The following SRGAP2B variants were observed in gnomAD, a reference collection of about 807,000 sequenced individuals.
The protein encoded by SRGAP2B is SLIT-ROBO Rho GTPase activating protein 2B.
In SRGAP2B, 9 loss-of-function variants were observed where a neutral mutation model predicts 22.2. The ratio of observed to expected loss-of-function variants is 0.41; its 90% CI spans 0.24 to 0.71. SRGAP2B has a LOEUF of 0.71. Among genes scored for constraint, SRGAP2B ranks in the 30% least tolerant of loss-of-function variants. The pLI, the probability that SRGAP2B is intolerant of heterozygous loss-of-function variation, is 0.35. For missense variants in SRGAP2B, 114 were observed against 235.8 expected (o/e 0.48, Z 3.38); for synonymous variants, 36 against 87.4 (o/e 0.41, Z 3.28).
chr1:144,993,222 T>G (rs2102144071), intron 3 of SRGAP2B, among the ~76,000 whole-genome samples: 1 of 151,184 alleles, frequency 6.6e-6, no homozygotes, highest in East Asian at 1.9e-4. Context: ...GTAGAGGGGC[T>G]TAAAGACCAA....
chr1:145,042,616 T>C (rs1256438841), intron 2 of SRGAP2B, among the ~76,000 whole-genome samples: 1 of 46,692 alleles, frequency 2.1e-5, no homozygotes, highest in Non-Finnish European at 3.9e-5. Flanking sequence ...CGGAATTCAT[T>C]ACTCCCCTTC....
In SRGAP2B at chr1:144,934,308, G is replaced by A. The variant is rs1665454297; in HGVS notation, c.424-19554C>T. ...AATCCCAGCTACTCGGGAGGCTGAGGCAAGAGAATCACTTGAACCTGGGAG... is the reference window on the plus strand; with the variant it reads ...AATCCCAGCTACTCGGGAGGCTGAGACAAGAGAATCACTTGAACCTGGGAG... On this transcript the variant is annotated intron_variant, in intron 4 of 9. Coordinates refer to ENST00000612199, the Ensembl canonical transcript of SRGAP2B. Among the ~76,000 whole-genome samples, 4 of 146,734 alleles carry A rather than the reference G, an allele frequency of 2.7e-5. No homozygotes were observed. In the South Asian group the frequency reaches 6.3e-4, roughly 23 times the overall value.
chr1:144,907,188 G>A (rs1316698409), intron 5 of SRGAP2B, among the ~76,000 whole-genome samples: 2 of 150,686 alleles, frequency 1.3e-5, no homozygotes, highest in Non-Finnish European at 3.0e-5. Context: ...ACACAGGAGT[G>A]CAAAGGTACA....
At chr1:144,929,551 A>C (rs1259195460) in intron 4 of SRGAP2B, among the ~76,000 whole-genome samples, 66 of 150,876 alleles carry the variant, frequency 4.4e-4, no homozygotes, top group Non-Finnish European at 1.3e-4. Flanking sequence ...TAAAGTTTGC[A>C]TCTGTTAACA....
chr1:144,984,253 G>A (rs1553615477), intron 3 of SRGAP2B, among the ~76,000 whole-genome samples: 1 of 149,728 alleles, frequency 6.7e-6, no homozygotes, highest in Non-Finnish European at 1.5e-5. Context: ...CTGGGAGGCA[G>A]AGGATGCAGT....
chr1:144,909,891 G>A (rs1425436590), intron 5 of SRGAP2B, among the ~76,000 whole-genome samples: 1 of 149,590 alleles, frequency 6.7e-6, no homozygotes, highest in Non-Finnish European at 1.5e-5. Flanking sequence ...TAAAGTTGGG[G>A]CTTCCACAAG....
rs1344967214 is a variant in SRGAP2B at position 145,008,960 on chromosome 1, A to G, written c.68-13760T>C. Reference sequence around the variant, plus strand: ...GCCAAGGCAGGCGGACCACGAGGTCAGGAGATCGAGACCATCCTGGCTAAC... The same window carrying G: ...GCCAAGGCAGGCGGACCACGAGGTCGGGAGATCGAGACCATCCTGGCTAAC... On this transcript the variant is annotated intron_variant, in intron 2 of 9. Transcript: ENST00000612199. Among the ~76,000 whole-genome samples, 3 of 149,998 alleles carry G rather than the reference A, an allele frequency of 2.0e-5. 1 individual carries two copies. Among genetic ancestry groups the G allele is most frequent in the Non-Finnish European group, 4.4e-5 (3 of 67,840 alleles).
intron 2 of SRGAP2B, among the ~76,000 whole-genome samples, chr1:145,047,175 CA>C (rs4058382): frequency 0.031 from 456 of 14,582 alleles, no homozygotes; most frequent in African/African-American, 0.095. Context: ...GACTCTGTCT[CA>C]AAAAAAAAAA....
intron 2 of SRGAP2B, among the ~76,000 whole-genome samples, chr1:145,021,735 A>ATCTCTTGAT (rs1672812286): frequency 6.7e-6 from 1 of 149,166 alleles, no homozygotes; most frequent in Non-Finnish European, 1.5e-5. Context: ...AATCTCTTGA[A>ATCTCTTGAT]CCCAGGAGGC....
intron 3 of SRGAP2B, among the ~76,000 whole-genome samples, chr1:144,975,670 T>G (rs1668844919): frequency 6.7e-6 from 1 of 148,156 alleles, no homozygotes; most frequent in Non-Finnish European, 1.5e-5. Flanking sequence ...CCAAATAAGC[T>G]TCTTTTCTTT....
At chr1:145,094,285 C>T (rs1321042099) in intron 1 of SRGAP2B, among the ~76,000 whole-genome samples, 1 of 24,110 alleles carries the variant, frequency 4.1e-5, no homozygotes, top group Non-Finnish European at 8.9e-5. Flanking sequence ...CCGGACGAGG[C>T]CCAGGGGGCT....
At chr1:145,084,063 TTTC>T (rs1653150882) in intron 2 of SRGAP2B, among the ~76,000 whole-genome samples, 1 of 140,908 alleles carries the variant, frequency 7.1e-6, no homozygotes, top group African/African-American at 2.7e-5. Flanking sequence ...GATTTCTTTC[TTTC>T]TTTTCTTTTT....
intron 5 of SRGAP2B, among the ~76,000 whole-genome samples, chr1:144,909,556 C>T: frequency 6.9e-6 from 1 of 145,660 alleles, no homozygotes; most frequent in African/African-American, 2.7e-5. Context: ...CACTGCACTC[C>T]AGCCTGGGCA....
chr1:144,931,833 G>T (rs1411748679), intron 4 of SRGAP2B, among the ~76,000 whole-genome samples: 2 of 140,560 alleles, frequency 1.4e-5, no homozygotes, highest in Admixed American at 1.4e-4. Context: ...TGTGTTCTTT[G>T]CTTTGGTCTT....
intron 2 of SRGAP2B, among the ~76,000 whole-genome samples, chr1:144,997,386 G>A (rs1422395867): frequency 2.0e-5 from 3 of 150,646 alleles, no homozygotes; most frequent in Admixed American, 1.3e-4. Context: ...AGCAGAGATC[G>A]CACCACTGCA....
chr1:144,971,651 T>A (rs1668535304), intron 3 of SRGAP2B, among the ~76,000 whole-genome samples: 2 of 151,018 alleles, frequency 1.3e-5, no homozygotes, highest in South Asian at 4.2e-4. Context: ...ATTCCCAAAC[T>A]CAGTGAATCT....
intron 2 of SRGAP2B, among the ~76,000 whole-genome samples, chr1:145,001,884 G>T (rs113349318): frequency 4.0e-5 from 6 of 149,876 alleles, no homozygotes; most frequent in Admixed American, 1.3e-4. Context: ...TTAGCTGGGG[G>T]GGTGGTGCAT....
At chr1:144,957,872 G>A (rs1306844246) in intron 3 of SRGAP2B, among the ~76,000 whole-genome samples, 1 of 147,672 alleles carries the variant, frequency 6.8e-6, no homozygotes, top group Non-Finnish European at 1.5e-5. Context: ...TTTTAAAGGG[G>A]CAGATCTCAT....
At chr1:145,030,759 T>G (rs1159850908) in intron 2 of SRGAP2B, among the ~76,000 whole-genome samples, 1 of 65,580 alleles carries the variant, frequency 1.5e-5, no homozygotes, top group Non-Finnish European at 3.1e-5. Flanking sequence ...TATATATATA[T>G]ATATAGTCCA....
Sources: gnomAD v4.1 joint callset for allele counts (sites outside exome capture counted in the v4.1 genomes callset) on GRCh38, gnomAD v4.1.1 for gene constraint, MANE v1.5 for transcripts, NCBI Gene and HGNC (gene_info 2026-07-23, HGNC 2026-07-21) for gene names.